LPXN: variants seen among roughly 807,000 people sequenced by gnomAD.
LPXN encodes leupaxin.
A neutral mutation model predicts 45.6 loss-of-function variants in LPXN; 28 were observed. The observed-to-expected ratio is 0.61, with a 90% confidence interval of 0.45 to 0.84. The LOEUF (loss-of-function observed/expected upper bound fraction) is 0.84. LPXN is among the 40% of genes least tolerant of loss of function. The pLI, the probability that LPXN is intolerant of heterozygous loss-of-function variation, is 0.00. For missense variants in LPXN, 459 were observed against 475.0 expected, an observed-to-expected ratio of 0.97 and a Z score of 0.31; for synonymous variants, 166 against 169.9, an observed-to-expected ratio of 0.98 and a Z score of 0.18.
intron 7 of LPXN, among the ~76,000 whole-genome samples, chr11:58,545,925 T>C (rs779009376): frequency 1.2e-4 from 19 of 152,190 alleles, no homozygotes; most frequent in Non-Finnish European, 2.5e-4. Flanking sequence ...ATATAAATTA[T>C]TTTTAACCAT....
At chr11:58,574,553 G>A (rs997480854) in intron 1 of LPXN, among the ~76,000 whole-genome samples, 7 of 151,604 alleles carry the variant, frequency 4.6e-5, no homozygotes, top group South Asian at 4.2e-4. Context: ...AAAGCCTTTC[G>A]GTGTCCCCTC....
At chr11:58,545,479 C>T (rs1041308342) in intron 7 of LPXN, among the ~76,000 whole-genome samples, 7 of 152,104 alleles carry the variant, frequency 4.6e-5, no homozygotes, top group East Asian at 1.9e-4. Flanking sequence ...TATTGTGACA[C>T]AATTTAAGAT....
intron 2 of LPXN, among the ~76,000 whole-genome samples, chr11:58,566,737 A>C (rs950634981): frequency 6.6e-6 from 1 of 152,218 alleles, no homozygotes; most frequent in Non-Finnish European, 1.5e-5. Flanking sequence ...TAACTTGCTA[A>C]AAGCTTCAAA....
Position 58,527,680 on chromosome 11 carries a change from T to A in LPXN, c.935A>T (p.Asp312Val), listed in dbSNP as rs1041708635. The A allele has an allele frequency of 3.1e-6, 5 of 1,613,840 alleles. No individual in the cohort carries two copies. The highest frequency in any genetic ancestry group is 4.2e-6 in the Non-Finnish European group (5 of 1,180,002). ...ATGGAGCTCACAGAATGGACGTCCA[T>A]CCAGTTCAAAGAAGGAGCCAGTAGA... ...SFSTGSFFELDGRPFCELHYH... is the reference protein window; with the variant it reads ...SFSTGSFFELVGRPFCELHYH... Residue 312 changes from aspartate (D) to valine (V), a missense_variant, in exon 9 of 9, where the codon GAT (aspartate) becomes GTT (valine). Asp to Val is a radical substitution (Grantham distance 152). Transcript: ENST00000395074.
At chr11:58,529,889 G>A (rs1024942894) in intron 7 of LPXN, among the ~76,000 whole-genome samples, 1 of 152,118 alleles carries the variant, frequency 6.6e-6, no homozygotes, top group African/African-American at 2.4e-5. Context: ...TTGAGGGCAA[G>A]CCGAAAAAGG....
chr11:58,557,183 C>T (rs757700517), intron 3 of LPXN, among the ~76,000 whole-genome samples: 2 of 152,124 alleles, frequency 1.3e-5, no homozygotes, highest in Non-Finnish European at 2.9e-5. Flanking sequence ...CACAGGAATC[C>T]TTCTTCTGGG....
intron 4 of LPXN, chr11:58,554,089 A>G (rs1203385486): frequency 2.6e-5 from 4 of 152,644 alleles, no homozygotes; most frequent in Non-Finnish European, 4.4e-5. Context: ...AGGCAGGTGG[A>G]TCACGAAGTC....
chr11:58,554,314 A>AAAAC (rs574221400), intron 4 of LPXN, among the ~76,000 whole-genome samples: 41 of 152,124 alleles, frequency 2.7e-4, no homozygotes, highest in Non-Finnish European at 4.3e-4. Flanking sequence ...CTCCATCTCA[A>AAAAC]AAACAAACAA....
intron 1 of LPXN, among the ~76,000 whole-genome samples, chr11:58,572,359 G>A (rs1854732164): frequency 6.6e-6 from 1 of 151,434 alleles, no homozygotes; most frequent in African/African-American, 2.4e-5. Flanking sequence ...TGACTTTTAT[G>A]TACCATTTTA....
At chr11:58,574,595 A>T (rs1412596088) in intron 1 of LPXN, among the ~76,000 whole-genome samples, 1 of 152,120 alleles carries the variant, frequency 6.6e-6, no homozygotes, top group Non-Finnish European at 1.5e-5. Flanking sequence ...AGAGAAAAAG[A>T]AAAAAGGCCC....
rs779657887 is a variant in LPXN at position 58,575,803 on chromosome 11, A to C, written c.-31T>G. ...TACATCCAAGATGCTCTTGTCTCACAGGCCGTGAGGAACAGCTTTGGCATG... is the reference window on the plus strand; with the variant it reads ...TACATCCAAGATGCTCTTGTCTCACCGGCCGTGAGGAACAGCTTTGGCATG... On this transcript the variant is annotated 5_prime_UTR_variant, in exon 1 of 9. Transcript: ENST00000395074. 11 of 1,614,098 alleles carry C rather than the reference A, an allele frequency of 6.8e-6. No homozygotes were observed. The Middle Eastern group carries it at 6.6e-4, about 96-fold the overall frequency.
rs1379006678 is a variant in LPXN at position 58,527,560 on chromosome 11, T to A, written c.1055A>T (p.His352Leu). 1 of 1,614,152 alleles carries A rather than the reference T, an allele frequency of 6.2e-7. No individual in the cohort carries two copies. Among genetic ancestry groups the A allele is most frequent in the South Asian group, 1.1e-5 (1 of 91,086 alleles). ...TGTCAGGCAGAAAGCACACACAAAG[T>A]GCTCAGGATGGAACTTGTACCCCAT... Reference protein sequence around the residue: ...SAMGYKFHPEHFVCAFCLTQL... With the variant: ...SAMGYKFHPELFVCAFCLTQL... Residue 352 changes from histidine (H) to leucine (L), a missense_variant, in exon 9 of 9, where the codon CAC becomes CTC. Transcript: ENST00000395074.
intron 1 of LPXN, among the ~76,000 whole-genome samples, chr11:58,573,742 G>A (rs183784829): frequency 1.7e-4 from 26 of 152,248 alleles, no homozygotes; most frequent in African/African-American, 6.0e-4. Context: ...GGGAAGTGGG[G>A]ACTAGACTGA....
At chr11:58,541,078 TA>T in intron 7 of LPXN, among the ~76,000 whole-genome samples, 1 of 152,034 alleles carries the variant, frequency 6.6e-6, no homozygotes, top group Non-Finnish European at 1.5e-5. Flanking sequence ...CCTAAAACCA[TA>T]AAAACCCTAG....
chr11:58,568,800 C>G (rs1369743250), intron 2 of LPXN, among the ~76,000 whole-genome samples: 4 of 152,052 alleles, frequency 2.6e-5, no homozygotes, highest in Non-Finnish European at 5.9e-5. Flanking sequence ...CAAGCATAAA[C>G]CCAGGACTCT....
At chr11:58,534,653 G>A (rs1459381409) in intron 7 of LPXN, among the ~76,000 whole-genome samples, 3 of 152,078 alleles carry the variant, frequency 2.0e-5, no homozygotes, top group South Asian at 2.1e-4. Context: ...GCTATCAGGA[G>A]ACAAGAAATA....
chr11:58,563,707 C>T (rs1338356368), intron 3 of LPXN, among the ~76,000 whole-genome samples: 18 of 152,088 alleles, frequency 1.2e-4, no homozygotes, highest in Non-Finnish European at 2.9e-5. Flanking sequence ...AAATTTTGAG[C>T]AAATATGGAA....
At chr11:58,534,429 T>C (rs1299945315) in intron 7 of LPXN, among the ~76,000 whole-genome samples, 3 of 152,048 alleles carry the variant, frequency 2.0e-5, no homozygotes, top group East Asian at 3.9e-4. Context: ...GACTACTGGG[T>C]AAATAAAAAA....
At chr11:58,545,296 G>C (rs941750136) in intron 7 of LPXN, among the ~76,000 whole-genome samples, 4 of 152,110 alleles carry the variant, frequency 2.6e-5, no homozygotes, top group Non-Finnish European at 5.9e-5. Context: ...TATGGATTGG[G>C]TATTTTTTTG....
Sources: allele counts gnomAD v4.1 joint callset (sites outside exome capture counted in the v4.1 genomes callset), GRCh38; gene constraint gnomAD v4.1.1; transcripts MANE v1.5; gene names NCBI Gene and HGNC (gene_info 2026-07-23, HGNC 2026-07-21).